ADAM9: variants seen among roughly 807,000 people sequenced by gnomAD.
ADAM9 encodes the protein ADAM metallopeptidase domain 9.
ADAM9 carries 54 observed loss-of-function variants against 108.1 expected under a neutral mutation model. The observed-to-expected ratio is 0.50, with a 90% CI of 0.40 to 0.63. ADAM9 has a LOEUF of 0.63. Among genes scored for constraint, ADAM9 ranks in the 20% least tolerant of loss-of-function variants. ADAM9 has a pLI of 0.00. For missense variants in ADAM9, 830 were observed against 997.7 expected (o/e 0.83, Z 2.26); for synonymous variants, 316 against 336.0 (o/e 0.94, Z 0.65).
At chr8:39,032,058 G>GCA (rs1478165293) in intron 11 of ADAM9, among the ~76,000 whole-genome samples, 1 of 152,186 alleles carries the variant, frequency 6.6e-6, no homozygotes, top group Non-Finnish European at 1.5e-5. Flanking sequence ...TCCCAGAGGG[G>GCA]CACCCGCCTG....
intron 11 of ADAM9, among the ~76,000 whole-genome samples, chr8:39,029,510 G>A (rs1837033616): frequency 6.6e-6 from 1 of 152,194 alleles, no homozygotes; most frequent in Non-Finnish European, 1.5e-5. Flanking sequence ...GGAGTATGAT[G>A]TTGTCTGTGG....
chr8:39,033,996 G>T (rs1399818768), intron 11 of ADAM9, among the ~76,000 whole-genome samples: 1 of 152,126 alleles, frequency 6.6e-6, no homozygotes, highest in Non-Finnish European at 1.5e-5. Context: ...TTAAAAATGG[G>T]ACGACAACAA....
At chr8:39,006,415 A>C (rs1408020568) in intron 1 of ADAM9, among the ~76,000 whole-genome samples, 2 of 151,784 alleles carry the variant, frequency 1.3e-5, no homozygotes, top group Non-Finnish European at 2.9e-5. Context: ...TATCTTGGAA[A>C]AAGTTAGATG....
intron 13 of ADAM9, among the ~76,000 whole-genome samples, chr8:39,054,827 T>G (rs1467739479): frequency 6.6e-6 from 1 of 152,146 alleles, no homozygotes; most frequent in African/African-American, 2.4e-5. Flanking sequence ...TAGAAATAAT[T>G]AAATAACATG....
Position 39,025,068 on chromosome 8 carries a change from G to C in ADAM9, c.915-735G>C, listed in dbSNP as rs1455911542. Among the ~76,000 whole-genome samples the C allele has an allele frequency of 2.0e-5, 3 of 151,920 alleles. No homozygotes were observed. The East Asian group carries it at 5.8e-4, about 29-fold the overall frequency. On this transcript the variant is annotated intron_variant, in intron 9 of 21. Transcript: ENST00000487273. ...CAGGTGTGTGGGGTGTGACTGGGGAGGCACACAGGGCCCATCCTGAATTCT... is the reference window on the plus strand; with the variant it reads ...CAGGTGTGTGGGGTGTGACTGGGGACGCACACAGGGCCCATCCTGAATTCT...
chr8:39,080,803 C>T (rs1039265760), intron 16 of ADAM9, among the ~76,000 whole-genome samples: 1 of 152,064 alleles, frequency 6.6e-6, no homozygotes, highest in African/African-American at 2.4e-5. Context: ...TTTTGCTCCC[C>T]ACTTGCATCC....
intron 11 of ADAM9, among the ~76,000 whole-genome samples, chr8:39,029,765 T>C (rs1837041682): frequency 6.6e-6 from 1 of 152,176 alleles, no homozygotes; most frequent in Non-Finnish European, 1.5e-5. Flanking sequence ...TGGTGTGTTG[T>C]TGAGTTCTGT....
chr8:39,071,123 A>G (rs1838671680), intron 14 of ADAM9, among the ~76,000 whole-genome samples, 175 bp from the exon 15 acceptor site: 1 of 152,222 alleles, frequency 6.6e-6, no homozygotes, highest in Admixed American at 6.5e-5. Flanking sequence ...TTGTCATTAC[A>G]TATGAAATGT....
chr8:39,096,447 C>A (rs1839510707), intron 20 of ADAM9, among the ~76,000 whole-genome samples: 1 of 152,046 alleles, frequency 6.6e-6, no homozygotes, highest in African/African-American at 2.4e-5. Context: ...TATATTTCTT[C>A]TTCTTCCACT....
At chr8:39,041,899 G>A in intron 11 of ADAM9, 47 bp from the exon 12 acceptor site, 1 of 1,566,674 alleles carries the variant, frequency 6.4e-7, no homozygotes, top group Admixed American at 1.7e-5. Flanking sequence ...CATTTTCAAA[G>A]TGAGTAATCA....
intron 12 of ADAM9, among the ~76,000 whole-genome samples, chr8:39,046,103 C>G (rs1837764830): frequency 6.6e-6 from 1 of 152,104 alleles, no homozygotes; most frequent in African/African-American, 2.4e-5. Flanking sequence ...AATCCATGAA[C>G]ATAGGATGTC....
chr8:39,045,276 A>C (rs1423237615), intron 12 of ADAM9, among the ~76,000 whole-genome samples: 3 of 144,456 alleles, frequency 2.1e-5, no homozygotes, highest in African/African-American at 7.8e-5. Context: ...GTATACATAC[A>C]TATGTATATG....
At chr8:39,058,665 G>A (rs1838202040) in intron 14 of ADAM9, among the ~76,000 whole-genome samples, 1 of 152,164 alleles carries the variant, frequency 6.6e-6, no homozygotes. Flanking sequence ...GAGGTATGAG[G>A]AGCCAATGTG....
At chr8:39,078,380 T>A (rs1377765987) in intron 16 of ADAM9, among the ~76,000 whole-genome samples, 17 of 114,930 alleles carry the variant, frequency 1.5e-4, no homozygotes, top group Middle Eastern at 4.7e-3. Flanking sequence ...AAAAAAAAAA[T>A]TGTGCTGAAA....
intron 15 of ADAM9, among the ~76,000 whole-genome samples, chr8:39,074,793 G>A (rs940664763): frequency 6.6e-6 from 1 of 151,834 alleles, no homozygotes; most frequent in African/African-American, 2.4e-5. Flanking sequence ...TATGGAAATG[G>A]CTGGGCCAGT....
intron 14 of ADAM9, among the ~76,000 whole-genome samples, chr8:39,065,219 T>TG (rs1387695485): frequency 6.6e-6 from 1 of 151,780 alleles, no homozygotes; most frequent in African/African-American, 2.4e-5. Context: ...TTTGTTTTTT[T>TG]TTTTTGACCT....
At chr8:39,040,896 A>ATTC (rs1326257895) in intron 11 of ADAM9, among the ~76,000 whole-genome samples, 1 of 152,340 alleles carries the variant, frequency 6.6e-6, no homozygotes, top group East Asian at 1.9e-4. Context: ...GGATTTCTAC[A>ATTC]TGCAAAAGAA....
At chr8:39,080,729 G>A (rs1452308637) in intron 16 of ADAM9, among the ~76,000 whole-genome samples, 1 of 152,016 alleles carries the variant, frequency 6.6e-6, no homozygotes, top group Admixed American at 6.5e-5. Context: ...CTAAACGTGG[G>A]GTAGGGGGAA....
At chr8:39,030,507 A>G (rs372061451) in intron 11 of ADAM9, among the ~76,000 whole-genome samples, 1 of 152,232 alleles carries the variant, frequency 6.6e-6, no homozygotes, top group East Asian at 1.9e-4. Context: ...ACTGAAGGAC[A>G]TATTGGTTGC....
Sources: gnomAD v4.1 joint callset for allele counts (sites outside exome capture counted in the v4.1 genomes callset) on GRCh38, gnomAD v4.1.1 for gene constraint, MANE v1.5 for transcripts, NCBI Gene and HGNC (gene_info 2026-07-23, HGNC 2026-07-21) for gene names.